NEDD4L: variants seen among roughly 807,000 people sequenced by gnomAD.
NEDD4L encodes the protein NEDD4 like E3 ubiquitin protein ligase.
In NEDD4L, 54 loss-of-function variants were observed where a neutral mutation model predicts 148.9. That is an observed-to-expected ratio of 0.36 (90% CI 0.29 to 0.45). The LOEUF (loss-of-function observed/expected upper bound fraction) is 0.45. Among genes scored for constraint, NEDD4L ranks in the 20% least tolerant of loss-of-function variants. The pLI is 1.00. For synonymous variants in NEDD4L, 433 were observed against 440.7 expected (o/e 0.98, Z 0.22); for missense variants, 856 against 1,233.8 (o/e 0.69, Z 4.59).
chr18:58,382,169 C>T (rs1388096032), intron 24 of NEDD4L, among the ~76,000 whole-genome samples: 2 of 152,174 alleles, frequency 1.3e-5, no homozygotes, highest in Non-Finnish European at 2.9e-5. Flanking sequence ...TGAATGGGAA[C>T]AAGAGCCAGT....
At chr18:58,133,861 A>G (rs1469657228) in intron 1 of NEDD4L, among the ~76,000 whole-genome samples, 2 of 152,222 alleles carry the variant, frequency 1.3e-5, no homozygotes. Flanking sequence ...GAATCATGGA[A>G]TCATGCTCTA....
chr18:58,287,949 C>T (rs980958799), intron 5 of NEDD4L, among the ~76,000 whole-genome samples: 21 of 152,120 alleles, frequency 1.4e-4, no homozygotes, highest in Admixed American at 1.3e-4. Flanking sequence ...CATATGTAAT[C>T]GTGTGTAGTT....
At chr18:58,297,062 A>G (rs1469310136) in intron 5 of NEDD4L, among the ~76,000 whole-genome samples, 2 of 152,168 alleles carry the variant, frequency 1.3e-5, no homozygotes, top group African/African-American at 2.4e-5. Context: ...ACTCCACCCT[A>G]TGCAATAGAG....
intron 5 of NEDD4L, among the ~76,000 whole-genome samples, chr18:58,259,704 T>A (rs1298503601): frequency 6.6e-6 from 1 of 152,214 alleles, no homozygotes; most frequent in Non-Finnish European, 1.5e-5. Flanking sequence ...CAGTTTGTAA[T>A]GTAAACGGAG....
At chr18:58,337,455 C>T (rs1265221889) in intron 13 of NEDD4L, among the ~76,000 whole-genome samples, 1 of 152,200 alleles carries the variant, frequency 6.6e-6, no homozygotes, top group African/African-American at 2.4e-5. Flanking sequence ...GCACATCACT[C>T]ACACTGAAGT....
intron 1 of NEDD4L, among the ~76,000 whole-genome samples, chr18:58,080,822 G>T (rs1301190237): frequency 2.6e-5 from 4 of 152,148 alleles, no homozygotes; most frequent in African/African-American, 9.7e-5. Context: ...TATTTCCCTT[G>T]ATCTTCCTCA....
chr18:58,257,735 C>A (rs182378203), intron 5 of NEDD4L, among the ~76,000 whole-genome samples: 2 of 152,098 alleles, frequency 1.3e-5, no homozygotes, highest in African/African-American at 2.4e-5. Flanking sequence ...CTGCAGCTTT[C>A]GTGGTTTAGA....
At chr18:58,285,413 C>A (rs183904880) in intron 5 of NEDD4L, among the ~76,000 whole-genome samples, 1 of 152,108 alleles carries the variant, frequency 6.6e-6, no homozygotes, top group Non-Finnish European at 1.5e-5. Flanking sequence ...ACTGCAACCT[C>A]CACCTCCCAG....
intron 23 of NEDD4L, among the ~76,000 whole-genome samples, chr18:58,370,952 C>A (rs542108041): frequency 8.5e-5 from 13 of 152,218 alleles, no homozygotes; most frequent in Admixed American, 2.0e-4. Context: ...TTGAGACGTT[C>A]TCCAAGTAGT....
intron 10 of NEDD4L, 112 bp downstream of exon 10, chr18:58,329,239 G>T: frequency 8.2e-7 from 1 of 1,221,032 alleles, no homozygotes; most frequent in Admixed American, 2.5e-5. Context: ...AGAATGTAAA[G>T]ATTACAGTGA....
chr18:58,348,714 C>T (rs1459337531), intron 16 of NEDD4L, among the ~76,000 whole-genome samples: 1 of 152,058 alleles, frequency 6.6e-6, no homozygotes, highest in African/African-American at 2.4e-5. Flanking sequence ...ACTCCATTTC[C>T]TCATCTAAAG....
intron 5 of NEDD4L, among the ~76,000 whole-genome samples, chr18:58,254,257 A>G (rs1007843208): frequency 5.3e-5 from 8 of 152,058 alleles, no homozygotes; most frequent in Non-Finnish European, 8.8e-5. Flanking sequence ...ACAGCTTGGT[A>G]TTTTCCCCTC....
In NEDD4L at chr18:58,346,605, CT is replaced by C. The variant is rs908677363; in HGVS notation, c.1576-2924del. ...ATGGAAAAGATAAAGAAAAAAGGCA[CT>C]TTTTTTTAATCCCTGTGTTTTATAT... On this transcript the variant is annotated intron_variant, in intron 16 of 30. Transcript: ENST00000400345. 2.2e-4 allele frequency among the ~76,000 whole-genome samples: 34 copies of C among 152,140 alleles called. No individual in the cohort carries two copies. In the East Asian group the frequency reaches 2.9e-3, roughly 13 times the overall value.
At chr18:58,109,723 A>G (rs1297002932) in intron 1 of NEDD4L, among the ~76,000 whole-genome samples, 1 of 151,654 alleles carries the variant, frequency 6.6e-6, no homozygotes, top group African/African-American at 2.4e-5. Context: ...GGTGCCCCCC[A>G]CCACACCTGG....
intron 5 of NEDD4L, among the ~76,000 whole-genome samples, chr18:58,281,431 T>G (rs2053073369): frequency 6.6e-6 from 1 of 152,170 alleles, no homozygotes; most frequent in African/African-American, 2.4e-5. Flanking sequence ...GGGTGGCCTT[T>G]TGTTATCATT....
At chr18:58,361,170 G>A (rs1166548738) in intron 19 of NEDD4L, among the ~76,000 whole-genome samples, 2 of 152,122 alleles carry the variant, frequency 1.3e-5, no homozygotes, top group East Asian at 3.8e-4. Context: ...TAGGTCCAGT[G>A]CCCACTGATT....
intron 1 of NEDD4L, among the ~76,000 whole-genome samples, chr18:58,056,739 C>G (rs1406898586): frequency 1.3e-5 from 2 of 152,044 alleles, no homozygotes; most frequent in Non-Finnish European, 2.9e-5. Flanking sequence ...TACCACCACA[C>G]CCAGCTAATT....
rs147464140 is a variant in NEDD4L, at chr18:58,179,440, C to T, written c.122+13579C>T. Among the ~76,000 whole-genome samples the T allele has an allele frequency of 4.0e-3, 612 of 152,268 alleles. 5 individuals are homozygous for T. The highest frequency in any genetic ancestry group is 0.014 in the African/African-American group (591 of 41,552). The stretch of plus-strand genomic sequence containing the variant: ...GTCGTCCTTTACTCTCTCATCCTTC[C>T]GGCTGCTGTGTCTGGCTTTCAGTGT... On this transcript the variant is annotated intron_variant, in intron 2 of 30. Coordinates refer to ENST00000400345, the MANE Select transcript of NEDD4L (RefSeq NM_001144967.3).
At chr18:58,378,217 G>GGTTA (rs1293785470) in intron 24 of NEDD4L, among the ~76,000 whole-genome samples, 1 of 152,166 alleles carries the variant, frequency 6.6e-6, no homozygotes, top group Non-Finnish European at 1.5e-5. Flanking sequence ...ACATTGAAGT[G>GGTTA]GTTAGTGGCC....
Sources: allele counts gnomAD v4.1 joint callset (sites outside exome capture counted in the v4.1 genomes callset), GRCh38; gene constraint gnomAD v4.1.1; transcripts MANE v1.5; gene names NCBI Gene and HGNC (gene_info 2026-07-23, HGNC 2026-07-21).